Variants in ZMYND8 observed in about 807,000 individuals in gnomAD.
ZMYND8 encodes MYND-type zinc finger-containing chromatin reader ZMYND8.
In ZMYND8, 37 loss-of-function variants were observed where a neutral mutation model predicts 140.8. That is an observed-to-expected ratio of 0.26 (90% CI 0.20 to 0.35). The LOEUF (loss-of-function observed/expected upper bound fraction) is 0.35, where lower values mean the gene tolerates loss of function less well. Ranked by LOEUF, ZMYND8 falls within the 10% of genes least tolerant of loss-of-function variation. The pLI, the probability that ZMYND8 is intolerant of heterozygous loss-of-function variation, is 1.00. For synonymous variants in ZMYND8, 592 were observed against 597.1 expected, an observed-to-expected ratio of 0.99 and a Z score of 0.12; for missense variants, 1,068 against 1,570.0, an observed-to-expected ratio of 0.68 and a Z score of 5.40.
At chr20:47,265,522 C>T (rs1265604355) in intron 11 of ZMYND8, among the ~76,000 whole-genome samples, 1 of 152,222 alleles carries the variant, frequency 6.6e-6, no homozygotes, top group Non-Finnish European at 1.5e-5. Context: ...CTCACTGCAA[C>T]CTCTGCCTGC....
chr20:47,298,661 A>G lies in ZMYND8; in HGVS notation c.453+68T>C. The G allele has an allele frequency of 6.5e-7, 1 of 1,542,312 alleles. No homozygotes were observed. The highest frequency in any genetic ancestry group is 2.0e-5 in the Admixed American group (1 of 49,710). The stretch of plus-strand genomic sequence containing the variant: ...CTATCTGGATTATTTGTAAATTTAA[A>G]AATAAAAGGAAGAAAGAGAAAGGAG... On this transcript the variant is annotated intron_variant, in intron 4 of 22. Coordinates refer to ENST00000471951, the MANE Select transcript of ZMYND8 (RefSeq NM_001281775.3). The surrounding 1 kb of genome is among the most constrained non-coding windows in gnomAD (Gnocchi z 5.0).
rs753067667 is a variant in ZMYND8 at position 47,348,050 on chromosome 20, G to A, written c.15-124C>T. On this transcript the variant is annotated intron_variant, in intron 1 of 22. Coordinates refer to ENST00000471951, the MANE Select transcript of ZMYND8 (RefSeq NM_001281775.3). ...CATTCCCTCATCCTTATCCAGGGCTGGGGGAGGAAACCCACACCTGATTTC... is the reference window on the plus strand; with the variant it reads ...CATTCCCTCATCCTTATCCAGGGCTAGGGGAGGAAACCCACACCTGATTTC... 7.5e-6 allele frequency: 7 copies of A among 938,474 alleles called. No homozygotes were observed. The South Asian group carries it at 8.1e-5, about 11-fold the overall frequency. The allele number at this position is 938,474 out of a possible 1,614,324, so 58.1% of individuals were successfully genotyped here.
rs768524845 is a variant in ZMYND8, at chr20:47,283,637, G to A, written c.816C>T (p.Ile272=). 22 of 1,613,790 alleles carry A rather than the reference G, an allele frequency of 1.4e-5. No individual in the cohort carries two copies. Among genetic ancestry groups the A allele is most frequent in the African/African-American group, 4.0e-5 (3 of 74,902 alleles). The part of the protein sequence containing the change: ...IKICEHEMNE[I]EVCPECYLAA... ...CTAGATAACATTCTGGACATACTTC[G>A]ATTTCATTCATCTGTAAAGCAAAAA... The change falls in exon 9 of 23, where the codon ATC becomes ATT. Residue 272 remains isoleucine, a synonymous_variant. Coordinates refer to ENST00000471951, the MANE Select transcript of ZMYND8 (RefSeq NM_001281775.3).
intron 2 of ZMYND8, among the ~76,000 whole-genome samples, chr20:47,327,711 A>G (rs1232348662): frequency 6.6e-6 from 1 of 152,182 alleles, no homozygotes; most frequent in African/African-American, 2.4e-5. Context: ...TCCCACATGG[A>G]ACAATCCTCC....
At chr20:47,241,150 C>T (rs1568963970) in intron 14 of ZMYND8, among the ~76,000 whole-genome samples, 1 of 151,710 alleles carries the variant, frequency 6.6e-6, no homozygotes, top group African/African-American at 2.4e-5. Flanking sequence ...AAAAAATTAG[C>T]CGGGCATGGT....
At chr20:47,216,422 G>C (rs904348683) in intron 21 of ZMYND8, among the ~76,000 whole-genome samples, 1 of 138,774 alleles carries the variant, frequency 7.2e-6, no homozygotes, top group Non-Finnish European at 1.5e-5. Flanking sequence ...CTGAATTGAG[G>C]AGGCAAAGGT....
At chr20:47,317,564 T>G (rs1180708140) in intron 2 of ZMYND8, among the ~76,000 whole-genome samples, 1 of 152,210 alleles carries the variant, frequency 6.6e-6, no homozygotes, top group Non-Finnish European at 1.5e-5. Context: ...TTTAATTTCC[T>G]TAATGATGTC....
chr20:47,315,861 A>G (rs1483786680), intron 2 of ZMYND8, among the ~76,000 whole-genome samples: 1 of 152,116 alleles, frequency 6.6e-6, no homozygotes, highest in African/African-American at 2.4e-5. Context: ...CCATCCCCCA[A>G]AAATGAGTGG....
intron 2 of ZMYND8, among the ~76,000 whole-genome samples, chr20:47,311,677 G>C (rs1406993169): frequency 6.6e-6 from 1 of 152,172 alleles, no homozygotes; most frequent in East Asian, 1.9e-4. Flanking sequence ...GACCAGCCTG[G>C]CCAATAAGGT....
At position 47,290,707 on chromosome 20, in the gene ZMYND8, T is replaced by A. The variant is rs997827588; in HGVS notation, c.661-433A>T. Among the ~76,000 whole-genome samples, 9 of 143,764 alleles carry A rather than the reference T, an allele frequency of 6.3e-5. No homozygotes were observed. The South Asian group carries it at 1.4e-3, about 23-fold the overall frequency. 94.3% of individuals were successfully genotyped at this position (143,764 alleles called of 152,430 possible). A position where few individuals can be genotyped will look rare whatever the true frequency, so the allele number is the denominator to read the frequency against. ...CCCGGGTTCAAGCAATTCCCCTGCC[T>A]CAGCCTCCTGAATAGCTGGAATTAC... On this transcript the variant is annotated intron_variant, in intron 6 of 22. Coordinates refer to ENST00000471951, the MANE Select transcript of ZMYND8 (RefSeq NM_001281775.3).
rs145685943 is a variant in ZMYND8 at position 47,322,813 on chromosome 20, C to G, written c.86-12609G>C. 4.4e-3 allele frequency among the ~76,000 whole-genome samples: 675 copies of G among 152,310 alleles called. 6 individuals carry two copies. Among genetic ancestry groups the G allele is most frequent in the African/African-American group, 0.016 (650 of 41,558 alleles). ...GACACAGCACGCCCCACCTCCATCA[C>G]GGTTGAGTTCCACTCTAAAGCCCTT... On this transcript the variant is annotated intron_variant, in intron 2 of 22. Transcript: ENST00000471951.
chr20:47,302,005 A>AAGG (rs386393878), intron 3 of ZMYND8, among the ~76,000 whole-genome samples: 3 of 144,084 alleles, frequency 2.1e-5, no homozygotes, highest in African/African-American at 8.4e-5. Flanking sequence ...CAGCCATGTG[A>AAGG]AGGACGTGTT....
At chr20:47,231,070 T>C (rs145129275) in intron 16 of ZMYND8, among the ~76,000 whole-genome samples, 297 of 152,338 alleles carry the variant, frequency 1.9e-3, no homozygotes, top group African/African-American at 6.9e-3. Context: ...ACACTGTCTT[T>C]GCGGTTCATT....
intron 10 of ZMYND8, among the ~76,000 whole-genome samples, chr20:47,279,124 C>T (rs1024122690): frequency 8.5e-5 from 13 of 152,170 alleles, no homozygotes; most frequent in Non-Finnish European, 1.5e-4. Flanking sequence ...CTTCCCCCAA[C>T]TATTTTCCAT....
intron 22 of ZMYND8, among the ~76,000 whole-genome samples, chr20:47,212,159 A>G (rs2035365602): frequency 6.6e-6 from 1 of 152,136 alleles, no homozygotes; most frequent in Non-Finnish European, 1.5e-5. Flanking sequence ...AGAAAATCCT[A>G]CAGTGATGTG....
chr20:47,209,766 CTCATACTGCCTGTGTT>C lies in ZMYND8; in HGVS notation c.*979_*994del, dbSNP rs745463133. The C allele has an allele frequency of 9.8e-5, 15 of 152,666 alleles. No individual in the cohort carries two copies. Among genetic ancestry groups the C allele is most frequent in the Non-Finnish European group, 1.6e-4 (11 of 68,042 alleles). The allele number at this position is 152,666 out of a possible 1,614,324, so 9.5% of individuals were successfully genotyped here. A position where few individuals can be genotyped will look rare whatever the true frequency, so the allele number is the denominator to read the frequency against. On this transcript the variant is annotated 3_prime_UTR_variant, in exon 23 of 23. Transcript: ENST00000471951. Reference sequence around the variant, plus strand: ...GACAGCATGACGGGCCTTGCTTTCTCTCATACTGCCTGTGTTTCATGCTTACATAAAAACGTGAAAT... The same window carrying C: ...GACAGCATGACGGGCCTTGCTTTCTCTCATGCTTACATAAAAACGTGAAAT...
At chr20:47,270,083 G>C (rs1317264566) in intron 11 of ZMYND8, among the ~76,000 whole-genome samples, 1 of 151,902 alleles carries the variant, frequency 6.6e-6, no homozygotes, top group African/African-American at 2.4e-5. Context: ...ATCTATACTA[G>C]GTGTATAGCT....
intron 11 of ZMYND8, among the ~76,000 whole-genome samples, chr20:47,265,053 C>CATAT (rs199638521): frequency 0.21 from 24,516 of 114,182 alleles, 3,951 homozygotes; most frequent in African/African-American, 0.44. Context: ...AATATATATA[C>CATAT]ATATATATAT....
chr20:47,210,948 C>A, intron 22 of ZMYND8, 51 bp from the exon 23 acceptor site: 1 of 1,590,426 alleles, frequency 6.3e-7, no homozygotes. Context: ...TGCGCCTGAG[C>A]ACAACTATCC....
Sources: gnomAD v4.1 joint callset for allele counts (sites outside exome capture counted in the v4.1 genomes callset) on GRCh38, gnomAD v4.1.1 for gene constraint, Gnocchi (gnomAD v3.1) non-coding constraint, MANE v1.5 for transcripts, NCBI Gene and HGNC (gene_info 2026-07-23, HGNC 2026-07-21) for gene names.